The following PCDHGA1 variants were observed in gnomAD, a reference collection of about 807,000 sequenced individuals.
The protein encoded by PCDHGA1 is protocadherin gamma-A1.
PCDHGA1 carries 32 observed loss-of-function variants against 58.0 expected under a neutral mutation model. The observed-to-expected ratio is 0.55, with a 90% CI of 0.42 to 0.74. The LOEUF is 0.74. PCDHGA1 is among the 30% of genes least tolerant of loss of function. PCDHGA1 has a pLI of 0.00. For missense variants in PCDHGA1, 1,205 were observed against 1,182.3 expected (o/e 1.02, Z -0.28); for synonymous variants, 498 against 501.1 (o/e 0.99, Z 0.08).
chr5:141,360,563 G>A (rs1194971714), intron 1 of PCDHGA1: 1 of 1,613,864 alleles, frequency 6.2e-7, no homozygotes, highest in Non-Finnish European at 8.5e-7. Context: ...TTAAAAATTG[G>A]CGAATCCACT....
intron 1 of PCDHGA1, chr5:141,352,736 T>A (rs1456095842): frequency 1.3e-6 from 2 of 1,493,896 alleles, no homozygotes; most frequent in Non-Finnish European, 1.8e-6. Flanking sequence ...AAGCCTGTAA[T>A]CCCAGCACTT....
At chr5:141,404,481 A>T in intron 1 of PCDHGA1, 1 of 1,613,836 alleles carries the variant, frequency 6.2e-7, no homozygotes, top group Non-Finnish European at 8.5e-7. Context: ...ATTAACTCAG[A>T]CACTGGTGTG....
intron 1 of PCDHGA1, among the ~76,000 whole-genome samples, chr5:141,468,047 G>A (rs901583535): frequency 2.0e-5 from 3 of 152,050 alleles, no homozygotes; most frequent in Non-Finnish European, 2.9e-5. Context: ...AAACTAAGCC[G>A]GGCACAGTGG....
chr5:141,352,599 A>C, intron 1 of PCDHGA1: 1 of 1,613,758 alleles, frequency 6.2e-7, no homozygotes, highest in Non-Finnish European at 8.5e-7. Flanking sequence ...CTGTGTGATG[A>C]TCCTTCTATG....
chr5:141,364,528 C>T (rs1445482375), intron 1 of PCDHGA1: 5 of 1,614,048 alleles, frequency 3.1e-6, no homozygotes, highest in Non-Finnish European at 2.5e-6. Context: ...GAGTCCGCAT[C>T]GTCTCCAGAG....
At chr5:141,458,594 G>T (rs1226490392) in intron 1 of PCDHGA1, among the ~76,000 whole-genome samples, 1 of 151,612 alleles carries the variant, frequency 6.6e-6, no homozygotes, top group Non-Finnish European at 1.5e-5. Context: ...TTTTGGAGAC[G>T]AGTCTCACTC....
intron 1 of PCDHGA1, chr5:141,383,931 T>G: frequency 6.2e-7 from 1 of 1,613,818 alleles, no homozygotes. Flanking sequence ...ATGATAATGC[T>G]CCAGAAGTGA....
chr5:141,408,337 G>T (rs1191967573), intron 1 of PCDHGA1: 3 of 1,613,954 alleles, frequency 1.9e-6, no homozygotes, highest in Non-Finnish European at 2.5e-6. Context: ...CCAAGGGCTC[G>T]GTGGTGGGGA....
chr5:141,412,992 G>A (rs1367027301), intron 1 of PCDHGA1: 1 of 568,350 alleles, frequency 1.8e-6, no homozygotes, highest in Non-Finnish European at 3.0e-6. Flanking sequence ...AGCTCAATCC[G>A]GATTCTCAGG....
At chr5:141,430,586 C>G in intron 1 of PCDHGA1, 1 of 517,248 alleles carries the variant, frequency 1.9e-6, no homozygotes, top group Non-Finnish European at 3.1e-6. Context: ...TCCTGCTCGC[C>G]TTGCACGCGC....
chr5:141,448,145 A>G (rs2098568457), intron 1 of PCDHGA1, among the ~76,000 whole-genome samples: 1 of 151,716 alleles, frequency 6.6e-6, no homozygotes, highest in South Asian at 2.1e-4. Flanking sequence ...TATACCTCAG[A>G]CTCACCCCTG....
At position 141,485,675 on chromosome 5, in the gene PCDHGA1, A is replaced by C. The variant is rs1562106929; in HGVS notation, c.2422-9132A>C. 6.2e-7 allele frequency: 1 copy of C among 1,613,068 alleles called. No homozygotes were observed. The highest frequency in any genetic ancestry group is 8.5e-7 in the Non-Finnish European group (1 of 1,179,150). On this transcript the variant is annotated intron_variant, in intron 1 of 3. Coordinates refer to ENST00000517417, the MANE Select transcript of PCDHGA1 (RefSeq NM_018912.3). The surrounding 1 kb of genome is among the most constrained non-coding windows in gnomAD (Gnocchi z 5.7). ...TGCAGATGTGGGGAGCAATTCGATT[A>C]GCAGCTATAGGCTGAGCTCCAATGA...
In PCDHGA1 at chr5:141,332,421, C is replaced by T. The variant is rs770876081; in HGVS notation, c.1737C>T (p.Pro579=). 5.5e-5 allele frequency: 88 copies of T among 1,613,966 alleles called. 1 individual carries two copies. The South Asian group carries it at 7.8e-4, about 14-fold the overall frequency. The change falls in exon 1 of 4, where the codon CCC becomes CCT. Residue 579 remains proline, a synonymous_variant. Transcript: ENST00000517417. The surrounding 1 kb of genome is among the most constrained non-coding windows in gnomAD (Gnocchi z 4.6). ...GTTCTACCGGCGTGGAGCTGGCGCC[C>T]CTCTCCGCAGAGCCCGGCTACCTGG... ...TDGSTGVELA[P]LSAEPGYLVT... is the part of the protein sequence containing the mutation.
rs143810163 is a variant in PCDHGA1 at position 141,333,049 on chromosome 5, G to A, written c.2365G>A (p.Gly789Ser). The A allele has an allele frequency of 1.2e-4, 200 of 1,614,136 alleles. No homozygotes were observed. In the African/African-American group the frequency reaches 2.3e-3, roughly 19 times the overall value. Residue 789 changes from glycine (G) to serine (S), a missense_variant, in exon 1 of 4, where the codon GGT (glycine) becomes AGT (serine). Transcript: ENST00000517417. ...CAGCCAGGAGAGCTGTGAGAAAAAG[G>A]GTTTTCTATCAGCACCCCAGTCTTT... ...LISQESCEKK[G>S]FLSAPQSLLE...
Position 141,490,398 on chromosome 5 carries a change from C to A in PCDHGA1, c.2422-4409C>A. 1 of 1,614,168 alleles carries A rather than the reference C, an allele frequency of 6.2e-7. No homozygotes were observed. Among genetic ancestry groups the A allele is most frequent in the South Asian group, 1.1e-5 (1 of 91,088 alleles). On this transcript the variant is annotated intron_variant, in intron 1 of 3. Coordinates refer to ENST00000517417, the MANE Select transcript of PCDHGA1 (RefSeq NM_018912.3). This position sits in a 1 kb window ranked among gnomAD's most constrained non-coding sequence, Gnocchi z 5.4. ...ACTCAGGTAGAAATGGTGAAGTGAG[C>A]CTTGATATCTCTCCGGACCTGCCAT...
In PCDHGA1 at chr5:141,486,247, C is replaced by T. The variant is rs935513223; in HGVS notation, c.2422-8560C>T. The T allele has an allele frequency of 2.5e-6, 4 of 1,614,014 alleles. No homozygotes were observed. The African/African-American group carries it at 5.3e-5, about 22-fold the overall frequency. On this transcript the variant is annotated intron_variant, in intron 1 of 3. Transcript: ENST00000517417. This position sits in a 1 kb window ranked among gnomAD's most constrained non-coding sequence, Gnocchi z 5.0. Reference sequence around the variant, plus strand: ...TCACAGTGACCTCAGAGCTTGGAACCCTCCCCGAGAGTGCAGAACCTGGCA... The same window carrying T: ...TCACAGTGACCTCAGAGCTTGGAACTCTCCCCGAGAGTGCAGAACCTGGCA...
intron 1 of PCDHGA1, chr5:141,364,958 C>T: frequency 1.2e-6 from 2 of 1,613,958 alleles, no homozygotes; most frequent in South Asian, 1.1e-5. Flanking sequence ...TGTTCACGAC[C>T]TCCTCCTCAC....
chr5:141,343,805 A>C, intron 1 of PCDHGA1: 1 of 457,870 alleles, frequency 2.2e-6, no homozygotes, highest in Non-Finnish European at 3.8e-6. Flanking sequence ...CTCAAGAAGG[A>C]GAACGCAGCT....
chr5:141,503,763 T>C (rs1014883264), intron 2 of PCDHGA1, among the ~76,000 whole-genome samples: 1 of 152,174 alleles, frequency 6.6e-6, no homozygotes, highest in Non-Finnish European at 1.5e-5. Context: ...ATGGCAGCCT[T>C]GTGTCTGTTC....
Sources: gnomAD v4.1 joint callset for allele counts (sites outside exome capture counted in the v4.1 genomes callset) on GRCh38, gnomAD v4.1.1 for gene constraint, Gnocchi (gnomAD v3.1) non-coding constraint, MANE v1.5 for transcripts, NCBI Gene and HGNC (gene_info 2026-07-23, HGNC 2026-07-21) for gene names.